ASIC2: variants seen among roughly 807,000 people sequenced by gnomAD.
ASIC2 encodes acid sensing ion channel subunit 2.
In ASIC2, 25 loss-of-function variants were observed where a neutral mutation model predicts 57.3. That is an observed-to-expected ratio of 0.44 (90% CI 0.32 to 0.61). ASIC2 has a LOEUF of 0.61. Among genes scored for constraint, ASIC2 ranks in the 20% least tolerant of loss-of-function variants. The probability of loss-of-function intolerance (pLI) is 0.06; values close to 1 mark genes in which losing one functional copy is unlikely to be tolerated. For missense variants in ASIC2, 641 were observed against 738.1 expected (o/e 0.87, Z 1.52); for synonymous variants, 319 against 307.5 (o/e 1.04, Z -0.39).
At chr17:33,424,996 T>C (rs1911170464) in intron 1 of ASIC2, among the ~76,000 whole-genome samples, 1 of 152,226 alleles carries the variant, frequency 6.6e-6, no homozygotes, top group Non-Finnish European at 1.5e-5. Context: ...GAAATGCACA[T>C]TTATTAACCA....
intron 1 of ASIC2, among the ~76,000 whole-genome samples, chr17:33,577,145 T>C (rs1248038472): frequency 6.6e-6 from 1 of 152,124 alleles, no homozygotes; most frequent in Non-Finnish European, 1.5e-5. Context: ...TGAAGACAGT[T>C]AGCCCTCTCT....
intron 1 of ASIC2, among the ~76,000 whole-genome samples, chr17:34,119,356 T>A (rs532834013): frequency 6.6e-6 from 1 of 152,342 alleles, no homozygotes; most frequent in South Asian, 2.1e-4. Flanking sequence ...TTGTATCAAG[T>A]GAGACAGCAT....
At chr17:33,098,217 A>G (rs2092191953) in intron 2 of ASIC2, among the ~76,000 whole-genome samples, 2 of 151,184 alleles carry the variant, frequency 1.3e-5, no homozygotes, top group Admixed American at 6.6e-5. Context: ...AAAATAGATG[A>G]AAAAAAATAG....
intron 1 of ASIC2, among the ~76,000 whole-genome samples, chr17:33,746,531 T>C (rs756537356): frequency 8.6e-5 from 13 of 151,776 alleles, no homozygotes; most frequent in South Asian, 8.3e-4. Flanking sequence ...TGTGTATATA[T>C]AGTTTTTATA....
chr17:34,038,540 A>C, intron 1 of ASIC2: 1 of 1,610,558 alleles, frequency 6.2e-7, no homozygotes, highest in Non-Finnish European at 8.5e-7. Flanking sequence ...TCTACCCAAA[A>C]GATGTAACAA....
chr17:34,037,938 C>T, intron 1 of ASIC2: 1 of 1,613,726 alleles, frequency 6.2e-7, no homozygotes, highest in Non-Finnish European at 8.5e-7. Flanking sequence ...AAGATCACAC[C>T]CACCGACCAC....
At chr17:33,480,742 C>T (rs984523612) in intron 1 of ASIC2, among the ~76,000 whole-genome samples, 28 of 152,042 alleles carry the variant, frequency 1.8e-4, no homozygotes, top group African/African-American at 2.4e-4. Flanking sequence ...GCCATCCTCC[C>T]GAAGGACTGT....
intron 1 of ASIC2, chr17:33,534,122 A>G (rs995212276): frequency 7.2e-5 from 11 of 152,336 alleles, no homozygotes; most frequent in African/African-American, 2.4e-4. Flanking sequence ...ATTGAACCCC[A>G]GAGCTCAGCT....
intron 1 of ASIC2, chr17:33,932,666 TC>T (rs1372439228): frequency 4.0e-4 from 47 of 118,090 alleles, no homozygotes; most frequent in Admixed American, 1.7e-3. Flanking sequence ...TGAGCCAAGA[TC>T]ATACCATTGC....
chr17:33,628,173 T>C (rs774876858), intron 1 of ASIC2, among the ~76,000 whole-genome samples: 6 of 152,012 alleles, frequency 3.9e-5, no homozygotes, highest in Non-Finnish European at 8.8e-5. Context: ...TGCCTGGGAG[T>C]CTGCCCAGCC....
At chr17:33,233,542 AC>A (rs1175183182) in intron 1 of ASIC2, among the ~76,000 whole-genome samples, 2 of 151,324 alleles carry the variant, frequency 1.3e-5, no homozygotes, top group Admixed American at 1.3e-4. Flanking sequence ...ACACACACAC[AC>A]ACACACACAC....
At chr17:33,761,951 CT>C (rs557801369) in intron 1 of ASIC2, among the ~76,000 whole-genome samples, 2 of 151,764 alleles carry the variant, frequency 1.3e-5, no homozygotes, top group Non-Finnish European at 2.9e-5. Context: ...AGGGATGGAA[CT>C]GAGTGAGGAC....
intron 1 of ASIC2, among the ~76,000 whole-genome samples, chr17:33,785,147 C>G (rs1911564711): frequency 6.6e-6 from 1 of 151,824 alleles, no homozygotes; most frequent in African/African-American, 2.4e-5. Context: ...TCCAATATGA[C>G]TGGTGTCCTT....
chr17:34,109,258 C>T (rs760031068), intron 1 of ASIC2, among the ~76,000 whole-genome samples: 3 of 152,050 alleles, frequency 2.0e-5, no homozygotes, highest in Non-Finnish European at 2.9e-5. Context: ...GTAGACGATA[C>T]GTATAGCTCT....
intron 1 of ASIC2, among the ~76,000 whole-genome samples, chr17:33,587,533 G>A (rs923222485): frequency 2.6e-5 from 4 of 152,202 alleles, no homozygotes; most frequent in African/African-American, 4.8e-5. Flanking sequence ...CATGCTCAGC[G>A]CTTGCCCAGT....
chr17:33,819,223 G>A (rs1342101551), intron 1 of ASIC2, among the ~76,000 whole-genome samples: 7 of 152,196 alleles, frequency 4.6e-5, no homozygotes, highest in East Asian at 1.9e-4. Flanking sequence ...ACTGATGTCC[G>A]TACAATTTAG....
chr17:33,504,256 A>C (rs750727355), intron 1 of ASIC2, among the ~76,000 whole-genome samples: 1 of 152,214 alleles, frequency 6.6e-6, no homozygotes, highest in Non-Finnish European at 1.5e-5. Context: ...TTTCAGTTGG[A>C]GTCTAAACCA....
At chr17:33,345,335 T>C (rs1012965364) in intron 1 of ASIC2, among the ~76,000 whole-genome samples, 1 of 152,218 alleles carries the variant, frequency 6.6e-6, no homozygotes, top group Non-Finnish European at 1.5e-5. Context: ...AAAGTACCGA[T>C]GGGCAAGGCA....
intron 1 of ASIC2, among the ~76,000 whole-genome samples, chr17:33,657,127 G>T (rs1308167121): frequency 6.6e-6 from 1 of 152,182 alleles, no homozygotes; most frequent in South Asian, 2.1e-4. Context: ...CTGATCACAT[G>T]CTCTGACATG....
Sources: allele counts gnomAD v4.1 joint callset (sites outside exome capture counted in the v4.1 genomes callset), GRCh38; gene constraint gnomAD v4.1.1; transcripts MANE v1.5; gene names NCBI Gene and HGNC (gene_info 2026-07-23, HGNC 2026-07-21).